The following C4orf50 variants were observed in gnomAD, a reference collection of about 807,000 sequenced individuals.
C4orf50 encodes the protein uncharacterized protein C4orf50.
In C4orf50, 80 loss-of-function variants were observed where a neutral mutation model predicts 77.2. The observed-to-expected ratio is 1.04, with a 90% CI of 0.87 to 1.25. C4orf50 has a LOEUF of 1.25. Ranked by LOEUF, C4orf50 falls within the 50% of genes most tolerant of loss-of-function variation. C4orf50 has a pLI of 0.00. For missense variants in C4orf50, 1,257 were observed against 1,152.9 expected, an observed-to-expected ratio of 1.09 and a Z score of -1.31; for synonymous variants, 532 against 465.3, an observed-to-expected ratio of 1.14 and a Z score of -1.84.
intron 31 of C4orf50, 81 bp downstream of exon 9, chr4:5,973,578 G>A (rs958977364): frequency 8.4e-7 from 1 of 1,193,866 alleles, no homozygotes; most frequent in South Asian, 1.4e-5. Context: ...AGGAGGGGCT[G>A]CTCCAGTCAG....
chr4:5,994,053 T>C (rs1323003040), intron 26 of C4orf50, among the ~76,000 whole-genome samples: 1 of 152,110 alleles, frequency 6.6e-6, no homozygotes, highest in Non-Finnish European at 1.5e-5. Flanking sequence ...GCCAACCTGC[T>C]GGCCTATGAG....
At position 5,989,672 on chromosome 4, in the gene C4orf50, C is replaced by T. The variant is rs540484074; in HGVS notation, c.2374G>A (p.Val792Met). The T allele has an allele frequency of 4.6e-6, 7 of 1,536,164 alleles. No homozygotes were observed. The South Asian group carries it at 7.1e-5, about 16-fold the overall frequency. ...GCACACCTGTTGTGTCCTTTGCTCACAGCCTGTGGATGACCATGATCAGTG... is the reference window on the plus strand; with the variant it reads ...GCACACCTGTTGTGTCCTTTGCTCATAGCCTGTGGATGACCATGATCAGTG... The change falls in exon 28 of 34, where the codon GTG becomes ATG. Residue 792 changes from valine to methionine, a missense_variant. By Grantham distance (21) the Val-to-Met change is conservative. Coordinates refer to ENST00000531445, the Ensembl canonical transcript of C4orf50.
chr4:5,989,639 T>C (rs1296750310), exon 28 of C4orf50: 4 of 1,536,122 alleles, frequency 2.6e-6, no homozygotes, highest in Non-Finnish European at 2.6e-6. Context: ...AGCTCATCGA[T>C]TGTGAGTGCA....
intron 7 of C4orf50, among the ~76,000 whole-genome samples, chr4:5,929,642 G>C (rs1194127519): frequency 6.6e-6 from 1 of 152,254 alleles, no homozygotes; most frequent in Non-Finnish European, 1.5e-5. Context: ...AGGAAATGTA[G>C]TTTTTCTGAA....
At chr4:5,933,048 C>A (rs1366180776) in intron 7 of C4orf50, among the ~76,000 whole-genome samples, 1 of 152,132 alleles carries the variant, frequency 6.6e-6, no homozygotes, top group African/African-American at 2.4e-5. Context: ...CACCAGGGAT[C>A]AGGACCCTGA....
chr4:5,940,145 TG>T (rs1158981861), intron 7 of C4orf50, among the ~76,000 whole-genome samples: 7 of 152,212 alleles, frequency 4.6e-5, no homozygotes, highest in Admixed American at 4.6e-4. Flanking sequence ...CTGTTCTCTT[TG>T]TCCCTCACTG....
At chr4:5,996,237 T>G (rs776534790) in intron 25 of C4orf50, among the ~76,000 whole-genome samples, 35 of 152,266 alleles carry the variant, frequency 2.3e-4, no homozygotes, top group African/African-American at 8.2e-4. Flanking sequence ...GGCTGTCACA[T>G]CCTTCTTGGG....
chr4:6,009,397 A>G lies in C4orf50; in HGVS notation c.427-865T>C, dbSNP rs1228661726. 1.3e-5 allele frequency among the ~76,000 whole-genome samples: 2 copies of G among 152,096 alleles called. No homozygotes were observed. Among genetic ancestry groups the G allele is most frequent in the African/African-American group, 4.8e-5 (2 of 41,452 alleles). On this transcript the variant is annotated intron_variant, in intron 24 of 33. Transcript: ENST00000531445. The surrounding 1 kb of genome is among the most constrained non-coding windows in gnomAD (Gnocchi z 5.6). ...CGGGGAGCTTCCGGAAAACAAAAAC[A>G]AACAAACTAAGAGCAAACGTGAAAG...
intron 25 of C4orf50, among the ~76,000 whole-genome samples, chr4:5,997,754 C>A (rs1465989191): frequency 1.3e-5 from 2 of 152,210 alleles, no homozygotes; most frequent in Non-Finnish European, 2.9e-5. Flanking sequence ...TTTTCCTATG[C>A]ATAGACATTG....
At chr4:5,949,653 T>C (rs1264072532) in intron 7 of C4orf50, among the ~76,000 whole-genome samples, 2 of 152,148 alleles carry the variant, frequency 1.3e-5, no homozygotes, top group African/African-American at 2.4e-5. Context: ...TAAATAAATG[T>C]ATTTAAAGGT....
chr4:5,968,994 C>G (rs1719745069), intron 31 of C4orf50, among the ~76,000 whole-genome samples: 1 of 152,200 alleles, frequency 6.6e-6, no homozygotes, highest in African/African-American at 2.4e-5. Flanking sequence ...AGTCCTGCCT[C>G]TGCCACTCAC....
intron 7 of C4orf50, among the ~76,000 whole-genome samples, chr4:5,912,260 T>A (rs1392986624): frequency 4.2e-5 from 1 of 23,922 alleles, no homozygotes; most frequent in African/African-American, 7.2e-5. Context: ...TCCACTCGTG[T>A]GTGTGTGTGT....
At chr4:5,988,960 C>A (rs748259650) in exon 28 of C4orf50, 86 of 1,536,084 alleles carry the variant, frequency 5.6e-5, no homozygotes, top group Non-Finnish European at 7.0e-5. Flanking sequence ...CTGGAGTTGG[C>A]CCAGATTCCC....
intron 28 of C4orf50, among the ~76,000 whole-genome samples, chr4:5,981,789 A>G (rs1056514921): frequency 2.6e-5 from 4 of 151,942 alleles, no homozygotes; most frequent in Non-Finnish European, 4.4e-5. Context: ...GTTTGTGAAG[A>G]TTTAGGAGCC....
At chr4:5,944,914 T>C (rs1224493038) in intron 7 of C4orf50, among the ~76,000 whole-genome samples, 1 of 152,164 alleles carries the variant, frequency 6.6e-6, no homozygotes, top group African/African-American at 2.4e-5. Context: ...TGCTGCCTGA[T>C]TGACTTAGTC....
chr4:5,965,116 C>T, exon 33 of C4orf50: 4 of 1,613,270 alleles, frequency 2.5e-6, no homozygotes, highest in Non-Finnish European at 3.4e-6. Context: ...AGGACACTGT[C>T]CATTTCAGGA....
intron 25 of C4orf50, among the ~76,000 whole-genome samples, chr4:6,006,252 T>A (rs571613616): frequency 3.1e-4 from 47 of 152,326 alleles, no homozygotes; most frequent in African/African-American, 8.7e-4. Context: ...TGTCCAGGTT[T>A]AAAGATAAAT....
rs773522780 is a variant in C4orf50 at position 5,992,629 on chromosome 4, G to A, written c.1221+174C>T. Among the ~76,000 whole-genome samples the A allele has an allele frequency of 6.6e-6, 1 of 151,766 alleles. No homozygotes were observed. Among genetic ancestry groups the A allele is most frequent in the African/African-American group, 2.4e-5 (1 of 41,308 alleles). On this transcript the variant is annotated intron_variant, in intron 27 of 33. Transcript: ENST00000531445. This position sits in a 1 kb window ranked among gnomAD's most constrained non-coding sequence, Gnocchi z 5.0. ...TCCCCACCCCCCATCCAGGTCTCAG[G>A]ATGTTTCATTTCCTCTCCTCAAATC...
At chr4:5,962,747 T>A (rs1719340497) in intron 33 of C4orf50, among the ~76,000 whole-genome samples, 1 of 152,218 alleles carries the variant, frequency 6.6e-6, no homozygotes, top group Admixed American at 6.5e-5. Context: ...CTGATGCTGA[T>A]ATCTATTTGG....
Sources: gnomAD v4.1 joint callset for allele counts (sites outside exome capture counted in the v4.1 genomes callset) on GRCh38, gnomAD v4.1.1 for gene constraint, Gnocchi (gnomAD v3.1) non-coding constraint, MANE v1.5 for transcripts, NCBI Gene and HGNC (gene_info 2026-07-23, HGNC 2026-07-21) for gene names.